Variants in SLC36A1 observed in about 807,000 individuals in gnomAD.
SLC36A1 encodes proton-coupled amino acid transporter 1.
Under a neutral mutation model 47.5 loss-of-function variants are expected in SLC36A1, and 30 were observed. The ratio of observed to expected loss-of-function variants is 0.63; its 90% CI spans 0.47 to 0.86. The LOEUF is 0.86. SLC36A1 is among the 40% of genes least tolerant of loss of function. The pLI, the probability that SLC36A1 is intolerant of heterozygous loss-of-function variation, is 0.00. For missense variants in SLC36A1, 517 were observed against 606.0 expected, an observed-to-expected ratio of 0.85 and a Z score of 1.54; for synonymous variants, 255 against 249.7, an observed-to-expected ratio of 1.02 and a Z score of -0.20.
At chr5:151,370,345 G>A in the SLC36A1 span, among the ~76,000 whole-genome samples, 8 of 151,524 alleles carry the variant, frequency 5.3e-5, no homozygotes, top group Admixed American at 5.3e-4. Flanking sequence ...ATATTATTGT[G>A]TTGTTGTTGT....
At chr5:151,361,597 G>A in the SLC36A1 span, among the ~76,000 whole-genome samples, 2 of 152,242 alleles carry the variant, frequency 1.3e-5, no homozygotes, top group East Asian at 1.9e-4. Flanking sequence ...TCATACTAGA[G>A]TTATGAGTGG....
At chr5:151,378,232 C>G in the SLC36A1 span, 2 of 225,572 alleles carry the variant, frequency 8.9e-6, no homozygotes, top group Non-Finnish European at 1.9e-5. Context: ...CCAATACATA[C>G]AAAGTTCTGG....
the SLC36A1 span, among the ~76,000 whole-genome samples, chr5:151,498,452 C>T: frequency 1.3e-5 from 2 of 152,208 alleles, no homozygotes; most frequent in African/African-American, 2.4e-5. Context: ...CTGGTAATAT[C>T]CCCACTTTGC....
chr5:151,484,222 G>A (rs1759212410), intron 10 of SLC36A1, among the ~76,000 whole-genome samples: 1 of 152,096 alleles, frequency 6.6e-6, no homozygotes, highest in Non-Finnish European at 1.5e-5. Flanking sequence ...AGACTCTCAG[G>A]GCTGGGAAAG....
chr5:151,468,762 T>C (rs766711988), intron 7 of SLC36A1, among the ~76,000 whole-genome samples: 48 of 152,198 alleles, frequency 3.2e-4, no homozygotes, highest in Middle Eastern at 3.4e-3. Flanking sequence ...TAATTCATGA[T>C]CATTGTATAC....
the SLC36A1 span, among the ~76,000 whole-genome samples, chr5:151,394,846 G>A: frequency 3.3e-5 from 5 of 152,228 alleles, no homozygotes; most frequent in African/African-American, 7.2e-5. Context: ...CTACTCGGGG[G>A]TCAGGGACCC....
At chr5:151,368,529 T>C in the SLC36A1 span, among the ~76,000 whole-genome samples, 1 of 152,236 alleles carries the variant, frequency 6.6e-6, no homozygotes, top group African/African-American at 2.4e-5. Flanking sequence ...AAAAAGTATC[T>C]GTGGGAACTC....
intron 2 of SLC36A1, among the ~76,000 whole-genome samples, chr5:151,462,490 G>A (rs771110963): frequency 5.9e-5 from 9 of 151,682 alleles, no homozygotes; most frequent in East Asian, 2.0e-4. Flanking sequence ...TCAGCCTCCC[G>A]AGTAGCTGGG....
chr5:151,541,030 T>C, the SLC36A1 span, among the ~76,000 whole-genome samples: 1 of 152,230 alleles, frequency 6.6e-6, no homozygotes, highest in Admixed American at 6.5e-5. Context: ...GTTTTTTGTT[T>C]TGTGGCCCAG....
intron 1 of SLC36A1, among the ~76,000 whole-genome samples, chr5:151,457,033 A>G (rs1754634195): frequency 1.3e-5 from 2 of 152,202 alleles, no homozygotes; most frequent in African/African-American, 4.8e-5. Context: ...CTGACGGGCA[A>G]GTAGCTGTGC....
chr5:151,538,357 G>A, the SLC36A1 span, among the ~76,000 whole-genome samples: 1 of 152,186 alleles, frequency 6.6e-6, no homozygotes, highest in Non-Finnish European at 1.5e-5. Flanking sequence ...TCTGGAAGGT[G>A]TCAGGTCAAC....
chr5:151,537,331 AAGAAAAG>A, the SLC36A1 span, among the ~76,000 whole-genome samples: 1 of 1,214 alleles, frequency 8.2e-4, no homozygotes, highest in Non-Finnish European at 3.2e-3. Context: ...GAAAAAAAGA[AAGAAAAG>A]AAAAGAAAAG....
the SLC36A1 span, chr5:151,546,280 T>C: frequency 6.2e-7 from 1 of 1,614,152 alleles, no homozygotes; most frequent in Non-Finnish European, 8.5e-7. Flanking sequence ...ATCAAGCTTT[T>C]GAGCTAGAGT....
chr5:151,401,006 G>A, the SLC36A1 span, among the ~76,000 whole-genome samples: 1 of 152,070 alleles, frequency 6.6e-6, no homozygotes, highest in Non-Finnish European at 1.5e-5. Context: ...TAATTTTGCT[G>A]TGCAGAAGCT....
intron 1 of SLC36A1, among the ~76,000 whole-genome samples, chr5:151,457,566 G>A (rs1396538407): frequency 6.6e-6 from 1 of 152,126 alleles, no homozygotes; most frequent in Non-Finnish European, 1.5e-5. Flanking sequence ...GAAGAGTTGT[G>A]GATGGGAGAT....
chr5:151,459,427 G>A (rs192568746), intron 2 of SLC36A1, among the ~76,000 whole-genome samples: 337 of 152,316 alleles, frequency 2.2e-3, no homozygotes, highest in Middle Eastern at 6.8e-3. Flanking sequence ...TCCAAAGAGG[G>A]CTTAATCTCT....
the SLC36A1 span, among the ~76,000 whole-genome samples, chr5:151,345,434 G>A: frequency 6.6e-6 from 1 of 152,160 alleles, no homozygotes; most frequent in Non-Finnish European, 1.5e-5. Context: ...TTTAAAAGAT[G>A]CTATTTTAAA....
the SLC36A1 span, among the ~76,000 whole-genome samples, chr5:151,390,125 C>T: frequency 3.9e-5 from 6 of 152,262 alleles, no homozygotes; most frequent in Admixed American, 1.3e-4. Context: ...GATGGTATCT[C>T]ATTGTGGTTT....
chr5:151,462,794 A>ATTT (rs909227648), intron 2 of SLC36A1, among the ~76,000 whole-genome samples: 4 of 148,774 alleles, frequency 2.7e-5, no homozygotes, highest in African/African-American at 9.9e-5. Context: ...TATTATTATT[A>ATTT]TTTTTTAATT....
Sources: gnomAD v4.1 joint callset for allele counts (sites outside exome capture counted in the v4.1 genomes callset) on GRCh38, gnomAD v4.1.1 for gene constraint, MANE v1.5 for transcripts, NCBI Gene and HGNC (gene_info 2026-07-23, HGNC 2026-07-21) for gene names.